The following FHIT variants were observed in gnomAD, a reference collection of about 807,000 sequenced individuals.
FHIT encodes the protein fragile histidine triad diadenosine triphosphatase.
A neutral mutation model predicts 17.9 loss-of-function variants in FHIT; 19 were observed. That is an observed-to-expected ratio of 1.06 (90% CI 0.74 to 1.56). The LOEUF (loss-of-function observed/expected upper bound fraction) is 1.56, where lower values mean the gene tolerates loss of function less well. Among genes scored for constraint, FHIT ranks in the 40% most tolerant of loss-of-function variants. FHIT has a pLI of 0.00. For missense variants in FHIT, 248 were observed against 189.2 expected (o/e 1.31, Z -1.82); for synonymous variants, 81 against 69.7 (o/e 1.16, Z -0.81).
At chr3:60,302,989 G>T (rs113942759) in intron 5 of FHIT, among the ~76,000 whole-genome samples, 2 of 152,040 alleles carry the variant, frequency 1.3e-5, no homozygotes, top group Admixed American at 1.3e-4. Context: ...TCCCCTGTTC[G>T]TCACAGTTAT....
intron 5 of FHIT, among the ~76,000 whole-genome samples, chr3:60,057,987 T>C (rs4024134): frequency 0.12 from 18,581 of 151,956 alleles, 1,375 homozygotes; most frequent in African/African-American, 0.21. Context: ...CCTAGTGTTT[T>C]GGTAACAATT....
intron 5 of FHIT, among the ~76,000 whole-genome samples, chr3:60,316,064 G>A (rs1709151555): frequency 6.6e-6 from 1 of 152,064 alleles, no homozygotes; most frequent in Non-Finnish European, 1.5e-5. Flanking sequence ...ACATGACATT[G>A]TTCTTGGAAA....
chr3:60,713,828 A>G (rs2041607659), intron 4 of FHIT, among the ~76,000 whole-genome samples: 1 of 151,852 alleles, frequency 6.6e-6, no homozygotes, highest in African/African-American at 2.4e-5. Flanking sequence ...GACCAGATGG[A>G]TTCACAGCCG....
intron 1 of FHIT, among the ~76,000 whole-genome samples, chr3:61,210,993 G>T (rs912395704): frequency 6.6e-6 from 1 of 151,916 alleles, no homozygotes. Context: ...CCAAAAACTA[G>T]ATATTTAAAA....
chr3:60,293,113 G>T (rs1439504182), intron 5 of FHIT, among the ~76,000 whole-genome samples: 1 of 152,098 alleles, frequency 6.6e-6, no homozygotes, highest in East Asian at 1.9e-4. Context: ...TAGAGATGAT[G>T]TTCAAATATA....
chr3:60,325,409 T>C (rs1312235504), intron 5 of FHIT, among the ~76,000 whole-genome samples: 1 of 152,220 alleles, frequency 6.6e-6, no homozygotes, highest in Non-Finnish European at 1.5e-5. Flanking sequence ...TACACATCTG[T>C]CAGCATAACC....
At chr3:60,117,555 T>C (rs1705028028) in intron 5 of FHIT, among the ~76,000 whole-genome samples, 1 of 151,448 alleles carries the variant, frequency 6.6e-6, no homozygotes, top group Admixed American at 6.6e-5. Context: ...ATATTTTTTA[T>C]GTTCTTAAGA....
At chr3:61,208,600 G>A (rs2039337993) in intron 1 of FHIT, among the ~76,000 whole-genome samples, 1 of 151,838 alleles carries the variant, frequency 6.6e-6, no homozygotes, top group Admixed American at 6.6e-5. Flanking sequence ...ATCTTTGTTG[G>A]TTTAAAGACT....
At chr3:60,931,107 C>T (rs561510050) in intron 3 of FHIT, among the ~76,000 whole-genome samples, 22 of 151,870 alleles carry the variant, frequency 1.4e-4, no homozygotes, top group Admixed American at 8.5e-4. Flanking sequence ...AGCAAACTAT[C>T]GCAAGGAGAA....
At chr3:60,948,683 AG>A (rs1553776361) in intron 3 of FHIT, among the ~76,000 whole-genome samples, 1 of 152,202 alleles carries the variant, frequency 6.6e-6, no homozygotes, top group East Asian at 1.9e-4. Context: ...TCTATTCACA[AG>A]CCCCCTCTGG....
chr3:60,285,035 A>G (rs1430229449), intron 5 of FHIT, among the ~76,000 whole-genome samples: 1 of 152,170 alleles, frequency 6.6e-6, no homozygotes, highest in African/African-American at 2.4e-5. Context: ...GATACTAATC[A>G]GTCTTGTATA....
intron 2 of FHIT, among the ~76,000 whole-genome samples, chr3:61,071,688 T>C (rs1396149366): frequency 6.6e-6 from 1 of 152,076 alleles, no homozygotes; most frequent in Admixed American, 6.6e-5. Context: ...TTATAATAAG[T>C]ATTTCCATAT....
At chr3:60,982,343 G>A (rs1002359571) in intron 3 of FHIT, among the ~76,000 whole-genome samples, 16 of 152,234 alleles carry the variant, frequency 1.1e-4, no homozygotes, top group Admixed American at 7.9e-4. Flanking sequence ...CATGTGAACT[G>A]TGGAGCTTTG....
At chr3:60,896,407 C>G (rs911047485) in intron 3 of FHIT, among the ~76,000 whole-genome samples, 6 of 152,150 alleles carry the variant, frequency 3.9e-5, no homozygotes, top group Admixed American at 6.5e-5. Flanking sequence ...ATTGATACTT[C>G]TAATCTCCAT....
At chr3:59,773,483 CACTT>C (rs1051868663) in intron 8 of FHIT, among the ~76,000 whole-genome samples, 2 of 152,210 alleles carry the variant, frequency 1.3e-5, no homozygotes, top group African/African-American at 4.8e-5. Context: ...TGCTTTGACT[CACTT>C]AATCGAAAAT....
In FHIT at chr3:59,779,501, A is replaced by C. The variant is rs79461948; in HGVS notation, c.349-27180T>G. Among the ~76,000 whole-genome samples the C allele has an allele frequency of 2.5e-4, 38 of 152,332 alleles. No individual in the cohort carries two copies. The East Asian group carries it at 7.1e-3, about 29-fold the overall frequency. Reference sequence around the variant, plus strand: ...GCTACATTAGCTCCATTTGCCATTAACATAAATAAGGCTTTAGTTACATGA... The same window carrying C: ...GCTACATTAGCTCCATTTGCCATTACCATAAATAAGGCTTTAGTTACATGA... On this transcript the variant is annotated intron_variant, in intron 8 of 9. Transcript: ENST00000492590.
At chr3:60,389,777 C>T (rs1460422704) in intron 5 of FHIT, among the ~76,000 whole-genome samples, 1 of 152,116 alleles carries the variant, frequency 6.6e-6, no homozygotes, top group Non-Finnish European at 1.5e-5. Flanking sequence ...ATTATTTATT[C>T]TTGAGTCTAC....
chr3:60,792,305 T>C (rs1352943259), intron 4 of FHIT, among the ~76,000 whole-genome samples: 1 of 152,214 alleles, frequency 6.6e-6, no homozygotes, highest in African/African-American at 2.4e-5. Context: ...AATTACCCTG[T>C]TGGTGGGTGT....
At chr3:60,718,163 G>A (rs1553707232) in intron 4 of FHIT, among the ~76,000 whole-genome samples, 2 of 151,462 alleles carry the variant, frequency 1.3e-5, no homozygotes, top group African/African-American at 4.9e-5. Flanking sequence ...TTTTTAAAAG[G>A]TTTTATCTTA....
Sources: allele counts gnomAD v4.1 joint callset (sites outside exome capture counted in the v4.1 genomes callset), GRCh38; gene constraint gnomAD v4.1.1; transcripts MANE v1.5; gene names NCBI Gene and HGNC (gene_info 2026-07-23, HGNC 2026-07-21).